The following PRDM9 variants were observed in gnomAD, a reference collection of about 807,000 sequenced individuals.
The protein encoded by PRDM9 is PR/SET domain 9.
Under a neutral mutation model 55.6 loss-of-function variants are expected in PRDM9, and 47 were observed. The ratio of observed to expected loss-of-function variants is 0.85; its 90% confidence interval spans 0.67 to 1.08. The LOEUF is 1.08. PRDM9 is among the 50% of genes least tolerant of loss of function. PRDM9 has a pLI of 0.00. For synonymous variants in PRDM9, 312 were observed against 375.7 expected, an observed-to-expected ratio of 0.83 and a Z score of 1.96; for missense variants, 867 against 1,040.3, an observed-to-expected ratio of 0.83 and a Z score of 2.29.
intron 4 of PRDM9, among the ~76,000 whole-genome samples, chr5:23,513,714 T>C (rs1038171408): frequency 2.0e-5 from 3 of 152,006 alleles, no homozygotes; most frequent in Non-Finnish European, 4.4e-5. Context: ...ACCCCATCTC[T>C]ACTAAAAATA....
chr5:23,523,553 A>C (rs1739376069), intron 9 of PRDM9, among the ~76,000 whole-genome samples, 195 bp downstream of exon 9: 1 of 152,250 alleles, frequency 6.6e-6, no homozygotes, highest in African/African-American at 2.4e-5. Context: ...TATTGGTATC[A>C]AAACATAAAT....
intron 4 of PRDM9, among the ~76,000 whole-genome samples, chr5:23,514,647 C>T (rs1359058088): frequency 6.6e-6 from 1 of 152,064 alleles, no homozygotes; most frequent in Non-Finnish European, 1.5e-5. Context: ...ACCATGTTGA[C>T]CAGGCTGGTC....
At chr5:23,522,975 A>T in intron 8 of PRDM9, 90 bp downstream of exon 8, 3 of 1,597,456 alleles carry the variant, frequency 1.9e-6, no homozygotes, top group Non-Finnish European at 2.6e-6. Flanking sequence ...GTTAGTATAT[A>T]GGTAAGGATA....
chr5:23,520,940 T>A (rs542435661), intron 5 of PRDM9, 83 bp from the exon 6 acceptor site: 2 of 1,472,464 alleles, frequency 1.4e-6, no homozygotes, highest in East Asian at 2.3e-5. Context: ...TTAACTAGAG[T>A]CATGCATATG....
intron 4 of PRDM9, among the ~76,000 whole-genome samples, chr5:23,511,970 CAT>C (rs1413974141): frequency 6.6e-6 from 1 of 150,496 alleles, no homozygotes; most frequent in Non-Finnish European, 1.5e-5. Flanking sequence ...TAAAATTTGT[CAT>C]TCTTTTTTTT....
At chr5:23,518,853 A>T (rs1739272624) in intron 5 of PRDM9, among the ~76,000 whole-genome samples, 1 of 152,160 alleles carries the variant, frequency 6.6e-6, no homozygotes, top group African/African-American at 2.4e-5. Flanking sequence ...AGTCTGGTCC[A>T]TATCTGATTC....
At chr5:23,521,518 A>G (rs928438877) in intron 6 of PRDM9, among the ~76,000 whole-genome samples, 12 of 152,106 alleles carry the variant, frequency 7.9e-5, no homozygotes, top group Non-Finnish European at 1.6e-4. Flanking sequence ...TTGTATTTTT[A>G]GTAGAGACAG....
In PRDM9 at chr5:23,523,354, A is replaced by T; in HGVS notation, c.946A>T (p.Met316Leu). 1 of 1,612,506 alleles carries T rather than the reference A, an allele frequency of 6.2e-7. No individual in the cohort carries two copies. The highest frequency in any genetic ancestry group is 8.5e-7 in the Non-Finnish European group (1 of 1,178,536). The change falls in exon 9 of 11, where the codon ATG becomes TTG. Residue 316 changes from methionine to leucine, a missense_variant. Physicochemically the swap from Met to Leu is conservative, Grantham distance 15. Transcript: ENST00000296682. ...AAAAGATAAATCCTGGGCCAACTGG[A>T]TGAGGTAAGGCCAGTAGCTCTCTGA... ...DGKDKSWANW[M>L]RYVNCARDDE...
At chr5:23,521,296 A>T in intron 6 of PRDM9, 117 bp downstream of exon 6, 1 of 1,132,738 alleles carries the variant, frequency 8.8e-7, no homozygotes, top group South Asian at 1.3e-5. Context: ...GCTGGACTCA[A>T]CTGTGAGACC....
rs766583746 is a variant in PRDM9, at chr5:23,524,298, G to A, written c.951-36G>A. ...CTGGATCTGATACTGGGAACTCACT[G>A]CCTCTTTTCTTTCCCTTTGCCTGCC... is the stretch of plus-strand genomic sequence containing the variant. On this transcript the variant is annotated intron_variant, in intron 9 of 10. Transcript: ENST00000296682. The A allele has an allele frequency of 6.8e-6, 11 of 1,607,490 alleles. No individual in the cohort carries two copies. In the South Asian group the frequency reaches 1.2e-4, roughly 18 times the overall value.
chr5:23,516,273 G>C (rs1384801535), intron 4 of PRDM9, among the ~76,000 whole-genome samples: 1 of 152,096 alleles, frequency 6.6e-6, no homozygotes, highest in Non-Finnish European at 1.5e-5. Context: ...TGATGCTATT[G>C]TGGTTGGGAT....
At chr5:23,510,145 C>T in intron 4 of PRDM9, 118 bp downstream of exon 4, 2 of 1,030,742 alleles carry the variant, frequency 1.9e-6, no homozygotes, top group Non-Finnish European at 2.9e-6. Flanking sequence ...ATCTCCACCT[C>T]CCAGGTTCAA....
intron 6 of PRDM9, 139 bp downstream of exon 6, chr5:23,521,318 G>A (rs1739324705): frequency 5.4e-6 from 5 of 927,682 alleles, no homozygotes; most frequent in Middle Eastern, 3.4e-4. Flanking sequence ...GAAGGTAGAT[G>A]CAGTATTTTG....
At position 23,526,258 on chromosome 5, in the gene PRDM9, T is replaced by C; in HGVS notation, c.1170T>C (p.Cys390=). ...GREPKPEIHP[C]PSCCLAFSSQ... ...AACCAAAGCCAGAGATCCATCCATG[T>C]CCCTCATGCTGTCTGGCCTTTTCAA... Residue 390 remains cysteine (C), a synonymous_variant, in exon 11 of 11, where the codon TGT becomes TGC. Transcript: ENST00000296682. The C allele has an allele frequency of 6.2e-7, 1 of 1,614,188 alleles. No homozygotes were observed. The highest frequency in any genetic ancestry group is 2.2e-5 in the East Asian group (1 of 44,878).
At chr5:23,514,328 G>A (rs1263225681) in intron 4 of PRDM9, among the ~76,000 whole-genome samples, 1 of 152,124 alleles carries the variant, frequency 6.6e-6, no homozygotes. Flanking sequence ...TTCTGGTGAG[G>A]GGTCTCTTCC....
chr5:23,525,519 T>C (rs1272869179), intron 10 of PRDM9, among the ~76,000 whole-genome samples: 1 of 152,194 alleles, frequency 6.6e-6, no homozygotes, highest in African/African-American at 2.4e-5. Context: ...TGAAATGGAA[T>C]CTATGCACCT....
chr5:23,514,549 A>C lies in PRDM9; in HGVS notation c.302-3332A>C, dbSNP rs1482822800. 2.0e-5 allele frequency among the ~76,000 whole-genome samples: 3 copies of C among 152,114 alleles called. No individual in the cohort carries two copies. In the East Asian group the frequency reaches 5.8e-4, roughly 30 times the overall value. ...CTGCAAACTCCACCTCCTGGGTTCA[A>C]GCAATTCTCCTGCCTCAGCCCCCCA... On this transcript the variant is annotated intron_variant, in intron 4 of 10. Transcript: ENST00000296682.
In PRDM9 at chr5:23,509,816, A is replaced by G. The variant is rs1169440412; in HGVS notation, c.194-104A>G. 18 of 1,381,554 alleles carry G rather than the reference A, an allele frequency of 1.3e-5. No individual in the cohort carries two copies. In the East Asian group the frequency reaches 4.0e-4, roughly 30 times the overall value. 85.6% of individuals were successfully genotyped at this position (1,381,554 alleles called of 1,614,324 possible). On this transcript the variant is annotated intron_variant, in intron 3 of 10. Transcript: ENST00000296682. ...ACCTTGTTCAAGACTCTCCCAGCTC[A>G]TCAGACTGAGCAGCACTGGCTTTGT...
rs369670492 is a variant in PRDM9, at chr5:23,522,806, C to T, written c.803C>T (p.Pro268Leu). 24 of 1,614,104 alleles carry T rather than the reference C, an allele frequency of 1.5e-5. No individual in the cohort carries two copies. The highest frequency in any genetic ancestry group is 2.2e-5 in the East Asian group (1 of 44,874). ...GTATGGAATGAGGCATCTGATCTGC[C>T]GCTGGGTCTGCACTTTGGCCCTTAT... ...LGVWNEASDLPLGLHFGPYEG... is the reference protein window; with the variant it reads ...LGVWNEASDLLLGLHFGPYEG... The change falls in exon 8 of 11, where the codon CCG becomes CTG. Residue 268 changes from proline to leucine, a missense_variant. Transcript: ENST00000296682.
Sources: gnomAD v4.1 joint callset for allele counts (sites outside exome capture counted in the v4.1 genomes callset) on GRCh38, gnomAD v4.1.1 for gene constraint, MANE v1.5 for transcripts, NCBI Gene and HGNC (gene_info 2026-07-23, HGNC 2026-07-21) for gene names.